GSTA2: variants seen among roughly 807,000 people sequenced by gnomAD.
GSTA2 encodes the protein glutathione S-transferase A2.
A neutral mutation model predicts 22.4 loss-of-function variants in GSTA2; 27 were observed. That is an observed-to-expected ratio of 1.21 (90% CI 0.89 to 1.67). The LOEUF (loss-of-function observed/expected upper bound fraction) is 1.67. Among genes scored for constraint, GSTA2 ranks in the 40% most tolerant of loss-of-function variants. The pLI is 0.00. For missense variants in GSTA2, 302 were observed against 260.2 expected (o/e 1.16, Z -1.11); for synonymous variants, 121 against 86.8 (o/e 1.39, Z -2.19).
At chr6:52,757,531 T>G (rs888308511) in intron 2 of GSTA2, among the ~76,000 whole-genome samples, 27 of 152,172 alleles carry the variant, frequency 1.8e-4, no homozygotes, top group African/African-American at 6.5e-4. Context: ...ACAATAATTA[T>G]TTCATGTCCT....
intron 4 of GSTA2, among the ~76,000 whole-genome samples, chr6:52,753,228 C>T (rs1250867029): frequency 6.6e-6 from 1 of 152,108 alleles, no homozygotes; most frequent in Non-Finnish European, 1.5e-5. Context: ...AGGTAGATAG[C>T]TCTCTAAATT....
chr6:52,757,925 T>C lies in GSTA2; in HGVS notation c.23A>G (p.His8Arg). 1.2e-6 allele frequency: 2 copies of C among 1,613,598 alleles called. No individual in the cohort carries two copies. The highest frequency in any genetic ancestry group is 1.7e-6 in the Non-Finnish European group (2 of 1,179,632). ...CATTCTGCCCCGTATATTGGAGTAG[T>C]GGAGCTTGGGCTTCTCTGCCATGGT... MAEKPKL[H>R]YSNIRGRMES... The change falls in exon 2 of 7, where the codon CAC becomes CGC. Residue 8 changes from histidine (H) to arginine (R), a missense_variant. By Grantham distance (29) the His-to-Arg change is conservative (BLOSUM62 0). Transcript: ENST00000493422.
chr6:52,757,510 A>G (rs2127288764), intron 2 of GSTA2, among the ~76,000 whole-genome samples: 1 of 152,162 alleles, frequency 6.6e-6, no homozygotes, highest in South Asian at 2.1e-4. Flanking sequence ...ATTATCACAC[A>G]TGAAATATTA....
At chr6:52,761,282 A>G (rs1027876391) in intron 1 of GSTA2, among the ~76,000 whole-genome samples, 11 of 152,178 alleles carry the variant, frequency 7.2e-5, no homozygotes, top group Admixed American at 6.5e-4. Flanking sequence ...TCTTTGATCT[A>G]TCTATCCACC....
chr6:52,753,707 G>A (rs1460241642), intron 4 of GSTA2, among the ~76,000 whole-genome samples: 26 of 152,130 alleles, frequency 1.7e-4, no homozygotes, highest in Admixed American at 1.7e-3. Flanking sequence ...TAAAACAAGA[G>A]CTTTACTGAT....
rs945825543 is a variant in GSTA2, at chr6:52,763,473, G to C, written c.-60C>G. ...TTAAATGCTGTCACCTTTGTGGCTG[G>C]ACAACCGAATTCCAGGTCCTAATGT... is the stretch of plus-strand genomic sequence containing the variant. On this transcript the variant is annotated 5_prime_UTR_variant, in exon 1 of 7. Coordinates refer to ENST00000493422, the MANE Select transcript of GSTA2 (RefSeq NM_000846.5). 2 of 192,042 alleles carry C rather than the reference G, an allele frequency of 1.0e-5. No homozygotes were observed. The highest frequency in any genetic ancestry group is 2.2e-5 in the Non-Finnish European group (2 of 91,826). The allele number at this position is 192,042 out of a possible 1,614,324, so 11.9% of individuals were successfully genotyped here. A position where few individuals can be genotyped will look rare whatever the true frequency, so the allele number is the denominator to read the frequency against.
intron 2 of GSTA2, among the ~76,000 whole-genome samples, 159 bp downstream of exon 2, chr6:52,757,702 G>T (rs1289568261): frequency 2.6e-5 from 4 of 152,164 alleles, no homozygotes; most frequent in Non-Finnish European, 5.9e-5. Flanking sequence ...GAAATTTTAA[G>T]AATTAATAGG....
Position 52,752,913 on chromosome 6 carries a change from C to T in GSTA2, c.355G>A (p.Ala119Thr). 1 of 1,614,094 alleles carries T rather than the reference C, an allele frequency of 6.2e-7. No homozygotes were observed. ...LPFSQPEEQD[A>T]KLALIQEKTK... is the part of the protein sequence containing the mutation. ...TTCTCTTGGATCAAGGCAAGCTTGG[C>T]ATCTTGTTCCTCAGGTTGACTAAAG... The change falls in exon 5 of 7, where the codon GCC (alanine) becomes ACC (threonine). Residue 119 changes from alanine (A) to threonine (T), a missense_variant. Transcript: ENST00000493422.
At chr6:52,756,514 C>A (rs537326545) in intron 2 of GSTA2, among the ~76,000 whole-genome samples, 7 of 152,294 alleles carry the variant, frequency 4.6e-5, no homozygotes, top group South Asian at 2.1e-4. Flanking sequence ...CATAGCTGCT[C>A]AATCTTCTAG....
At chr6:52,757,540 C>T (rs1004011624) in intron 2 of GSTA2, among the ~76,000 whole-genome samples, 12 of 152,048 alleles carry the variant, frequency 7.9e-5, no homozygotes, top group Non-Finnish European at 1.5e-4. Context: ...ATTTCATGTC[C>T]TCAAATATTC....
intron 5 of GSTA2, 121 bp from the exon 6 acceptor site, chr6:52,751,829 A>T: frequency 7.2e-7 from 1 of 1,396,464 alleles, no homozygotes; most frequent in East Asian, 2.3e-5. Context: ...ATGGATGCAG[A>T]AATCCCGAGC....
chr6:52,759,963 T>C (rs1026007621), intron 1 of GSTA2, among the ~76,000 whole-genome samples: 12 of 152,228 alleles, frequency 7.9e-5, no homozygotes, highest in African/African-American at 2.9e-4. Context: ...TTTTAAAATA[T>C]GGGAGTCAAT....
intron 1 of GSTA2, among the ~76,000 whole-genome samples, chr6:52,760,837 T>C (rs902239500): frequency 2.0e-5 from 3 of 152,200 alleles, no homozygotes; most frequent in African/African-American, 2.4e-5. Flanking sequence ...TTTCTCTACT[T>C]TGACAACCTA....
At chr6:52,763,309 A>T (rs901334874) in intron 1 of GSTA2, 135 bp downstream of exon 1, 1 of 167,506 alleles carries the variant, frequency 6.0e-6, no homozygotes, top group Non-Finnish European at 1.3e-5. Flanking sequence ...CTGTCACCCA[A>T]ACACACCAAG....
At chr6:52,761,555 CT>C (rs1320121579) in intron 1 of GSTA2, among the ~76,000 whole-genome samples, 1 of 147,520 alleles carries the variant, frequency 6.8e-6, no homozygotes, top group Non-Finnish European at 1.5e-5. Flanking sequence ...TTCTCTCTCT[CT>C]TTGCTTTTTA....
chr6:52,759,119 A>G (rs1762903610), intron 1 of GSTA2, among the ~76,000 whole-genome samples: 1 of 152,212 alleles, frequency 6.6e-6, no homozygotes, highest in Non-Finnish European at 1.5e-5. Context: ...AAGAATAGAA[A>G]ATATCAGTGA....
At chr6:52,757,606 T>G (rs1197366344) in intron 2 of GSTA2, among the ~76,000 whole-genome samples, 1 of 152,196 alleles carries the variant, frequency 6.6e-6, no homozygotes, top group Non-Finnish European at 1.5e-5. Flanking sequence ...TTTTTTACAG[T>G]TTGTTTAAAT....
intron 1 of GSTA2, among the ~76,000 whole-genome samples, 193 bp from the exon 2 acceptor site, chr6:52,758,170 C>T (rs539492098): frequency 5.9e-5 from 9 of 152,260 alleles, no homozygotes; most frequent in Non-Finnish European, 1.3e-4. Flanking sequence ...CAGATTCCAG[C>T]AAACCAGTCT....
At chr6:52,761,501 TGAATCCA>T (rs1762949427) in intron 1 of GSTA2, among the ~76,000 whole-genome samples, 1 of 145,732 alleles carries the variant, frequency 6.9e-6, no homozygotes, top group South Asian at 2.1e-4. Context: ...AGATTTTATA[TGAATCCA>T]GACTTATATC....
Sources: allele counts gnomAD v4.1 joint callset (sites outside exome capture counted in the v4.1 genomes callset), GRCh38; gene constraint gnomAD v4.1.1; transcripts MANE v1.5; gene names NCBI Gene and HGNC (gene_info 2026-07-23, HGNC 2026-07-21).